DGAT1: variants seen among roughly 807,000 people sequenced by gnomAD.
DGAT1 encodes ACAT related gene product 1.
A neutral mutation model predicts 72.6 loss-of-function variants in DGAT1; 60 were observed. That is an observed-to-expected ratio of 0.83 (90% confidence interval 0.67 to 1.02). The LOEUF is 1.02. Ranked by LOEUF, DGAT1 falls within the 50% of genes least tolerant of loss-of-function variation. DGAT1 has a pLI of 0.00. For synonymous variants in DGAT1, 290 were observed against 267.5 expected (o/e 1.08, Z -0.82); for missense variants, 592 against 670.0 (o/e 0.88, Z 1.29).
chr8:144,322,640 CT>C (rs1447181412), intron 1 of DGAT1, among the ~76,000 whole-genome samples: 1 of 152,230 alleles, frequency 6.6e-6, no homozygotes, highest in Non-Finnish European at 1.5e-5. Context: ...CATGCCCCAT[CT>C]ACACCTACAC....
intron 2 of DGAT1, among the ~76,000 whole-genome samples, chr8:144,320,953 C>T (rs1339618465): frequency 6.6e-6 from 1 of 152,204 alleles, no homozygotes; most frequent in Non-Finnish European, 1.5e-5. Flanking sequence ...ACCCCCTCCA[C>T]CCTGCCCTCC....
intron 3 of DGAT1, 52 bp downstream of exon 3, chr8:144,318,976 G>C: frequency 7.0e-7 from 1 of 1,421,104 alleles, no homozygotes; most frequent in South Asian, 1.2e-5. Flanking sequence ...GTGGGGCGGG[G>C]CCTGGACAGG....
chr8:144,315,431 G>A lies in DGAT1; in HGVS notation c.*1123C>T. The A allele has an allele frequency of 2.0e-6, 2 of 985,534 alleles. No homozygotes were observed. Among genetic ancestry groups the A allele is most frequent in the Non-Finnish European group, 2.4e-6 (2 of 829,996 alleles). 61.0% of individuals were successfully genotyped at this position (985,534 alleles called of 1,614,324 possible). Reference sequence around the variant, plus strand: ...GATGAGGCCCCTGGTGCAGTCCTGGGACCCTGTGCAGGGCCTCCTCAAACA... The same window carrying A: ...GATGAGGCCCCTGGTGCAGTCCTGGAACCCTGTGCAGGGCCTCCTCAAACA... On this transcript the variant is annotated 3_prime_UTR_variant, in exon 17 of 17. Coordinates refer to ENST00000528718, the MANE Select transcript of DGAT1 (RefSeq NM_012079.6).
chr8:144,320,192 G>C (rs1554847950), intron 2 of DGAT1, among the ~76,000 whole-genome samples: 1 of 152,236 alleles, frequency 6.6e-6, no homozygotes, highest in African/African-American at 2.4e-5. Flanking sequence ...TGCCTGGGGT[G>C]GGGGCATGGG....
rs782637933 is a variant in DGAT1, at chr8:144,318,184, G to C, written c.677-15C>G. 6.2e-6 allele frequency: 10 copies of C among 1,608,832 alleles called. No homozygotes were observed. The South Asian group carries it at 8.8e-5, about 14-fold the overall frequency. On this transcript the variant is annotated splice_polypyrimidine_tract_variant and intron_variant, in intron 7 of 16. Coordinates refer to ENST00000528718, the MANE Select transcript of DGAT1 (RefSeq NM_012079.6). ...CCCTGCAGAGGCTACGAGCACAGCA[G>C]AGTGGGAGGGGGCTGGTGGGGCCCT...
In DGAT1 at chr8:144,316,691, C is replaced by T. The variant is rs367717255; in HGVS notation, c.1330G>A (p.Val444Met). The change falls in exon 17 of 17, where the codon GTG (valine) becomes ATG (methionine). Residue 444 changes from valine (V) to methionine (M), a missense_variant. Coordinates refer to ENST00000528718, the MANE Select transcript of DGAT1 (RefSeq NM_012079.6). ...TAGTTGCCCTGGAAAAAGCGGCCCA[C>T]GAACCAGGCCAGTGGGATCTAGGGA... ...MMAQIPLAWF[V>M]GRFFQGNYGN... The T allele has an allele frequency of 3.2e-5, 52 of 1,612,056 alleles. No individual in the cohort carries two copies. In the African/African-American group the frequency reaches 3.9e-4, roughly 12 times the overall value.
chr8:144,315,244 C>T lies in DGAT1; in HGVS notation c.*1310G>A. On this transcript the variant is annotated 3_prime_UTR_variant, in exon 17 of 17. Coordinates refer to ENST00000528718, the MANE Select transcript of DGAT1 (RefSeq NM_012079.6). ...CCCATGTGGGATGGAGGAGTCGGCC[C>T]CACACCCATCCCCCCACCAGGAGCT... The T allele has an allele frequency of 2.0e-6, 2 of 985,538 alleles. No homozygotes were observed. Among genetic ancestry groups the T allele is most frequent in the Non-Finnish European group, 2.4e-6 (2 of 830,022 alleles). The allele number at this position is 985,538 out of a possible 1,614,324, so 61.0% of individuals were successfully genotyped here. A position where few individuals can be genotyped will look rare whatever the true frequency, so the allele number is the denominator to read the frequency against.
At position 144,315,315 on chromosome 8, in the gene DGAT1, T is replaced by C. The variant is rs1184974906; in HGVS notation, c.*1239A>G. The C allele has an allele frequency of 2.5e-5, 25 of 985,240 alleles. No individual in the cohort carries two copies. The highest frequency in any genetic ancestry group is 3.0e-5 in the Non-Finnish European group (25 of 829,918). 61.0% of individuals were successfully genotyped at this position (985,240 alleles called of 1,614,324 possible). ...AGCAGGGCCCAAGGAGATGCCTCCA[T>C]CTCAGGGCCCACCAGCCCCCACTGG... is the stretch of plus-strand genomic sequence containing the variant. On this transcript the variant is annotated 3_prime_UTR_variant, in exon 17 of 17. Transcript: ENST00000528718.
At position 144,321,322 on chromosome 8, in the gene DGAT1, A is replaced by T. The variant is rs1817450608; in HGVS notation, c.287T>A (p.Leu96Gln). 4 of 1,613,752 alleles carry T rather than the reference A, an allele frequency of 2.5e-6. No individual in the cohort carries two copies. Among genetic ancestry groups the T allele is most frequent in the Admixed American group, 1.7e-5 (1 of 60,002 alleles). Residue 96 changes from leucine to glutamine, a missense_variant and splice_region_variant, in exon 2 of 17, where the codon CTG (leucine) becomes CAG (glutamine). Physicochemically the swap from Leu to Gln is moderately radical, Grantham distance 113. Transcript: ENST00000528718. Reference sequence around the variant, plus strand: ...CTCCCGACACCATGTCCCACTCACCAGCATCACCACACACCAGTTCAGGAT... The same window carrying T: ...CTCCCGACACCATGTCCCACTCACCTGCATCACCACACACCAGTTCAGGAT... ...RGILNWCVVM[L>Q]ILSNARLFLE...
At position 144,321,327 on chromosome 8, in the gene DGAT1, C is replaced by T. The variant is rs1554848102; in HGVS notation, c.282G>A (p.Val94=). The change falls in exon 2 of 17, where the codon GTG becomes GTA. Residue 94 remains valine, a synonymous_variant. Transcript: ENST00000528718. ...NYRGILNWCV[V]MLILSNARLF... ...GACACCATGTCCCACTCACCAGCATCACCACACACCAGTTCAGGATGCCAC... is the reference window on the plus strand; with the variant it reads ...GACACCATGTCCCACTCACCAGCATTACCACACACCAGTTCAGGATGCCAC... The T allele has an allele frequency of 1.2e-6, 2 of 1,613,950 alleles. No individual in the cohort carries two copies. Among genetic ancestry groups the T allele is most frequent in the South Asian group, 2.2e-5 (2 of 91,084 alleles).
rs1554847035 is a variant in DGAT1, at chr8:144,316,610, T to C, written c.1411A>G (p.Met471Val). The C allele has an allele frequency of 1.2e-6, 2 of 1,607,932 alleles. No individual in the cohort carries two copies. Among genetic ancestry groups the C allele is most frequent in the Non-Finnish European group, 1.7e-6 (2 of 1,177,730 alleles). Residue 471 changes from methionine to valine, a missense_variant, in exon 17 of 17, where the codon ATG becomes GTG. Met to Val is a conservative substitution (Grantham distance 21, BLOSUM62 1). Transcript: ENST00000528718. The part of the protein sequence containing the change: ...LIIGQPIAVL[M>V]YVHDYYVLNY... Reference sequence around the variant, plus strand: ...AGCACGTAGTAGTCGTGGACGTACATGAGGACGGCTATTGGCTGTCCGATG... The same window carrying C: ...AGCACGTAGTAGTCGTGGACGTACACGAGGACGGCTATTGGCTGTCCGATG...
chr8:144,316,257 C>T lies in DGAT1; in HGVS notation c.*297G>A, dbSNP rs886682014. The stretch of plus-strand genomic sequence containing the variant: ...CCCTTGTGGGTGTGGCCATACCCCC[C>T]ACCAGGCCCCAGGCCCCTGGCAGGC... On this transcript the variant is annotated 3_prime_UTR_variant, in exon 17 of 17. Transcript: ENST00000528718. The T allele has an allele frequency of 1.2e-4, 48 of 385,172 alleles. 2 individuals carry two copies. Among genetic ancestry groups the T allele is most frequent in the Non-Finnish European group, 3.8e-5 (8 of 210,946 alleles). 23.9% of individuals were successfully genotyped at this position (385,172 alleles called of 1,614,324 possible). A position where few individuals can be genotyped will look rare whatever the true frequency, so the allele number is the denominator to read the frequency against.
In DGAT1 at chr8:144,317,958, G is replaced by A; in HGVS notation, c.811C>T (p.Pro271Ser). The A allele has an allele frequency of 6.6e-7, 1 of 1,519,390 alleles. No homozygotes were observed. The highest frequency in any genetic ancestry group is 8.8e-7 in the Non-Finnish European group (1 of 1,135,914). 94.1% of individuals were successfully genotyped at this position (1,519,390 alleles called of 1,614,324 possible). Residue 271 changes from proline (P) to serine (S), a missense_variant, in exon 9 of 17, where the codon CCC becomes TCC. By Grantham distance (74) the Pro-to-Ser change is moderately conservative. Coordinates refer to ENST00000528718, the MANE Select transcript of DGAT1 (RefSeq NM_012079.6). Reference sequence around the variant, plus strand: ...AGCAGAAAGCGCTTCCGGATGCGGGGAGAGCGGGGAAAGTTGAGCTCGTAG... The same window carrying A: ...AGCAGAAAGCGCTTCCGGATGCGGGAAGAGCGGGGAAAGTTGAGCTCGTAG... Reference protein sequence around the residue: ...LCYELNFPRSPRIRKRFLLRR... With the variant: ...LCYELNFPRSSRIRKRFLLRR...
Position 144,317,789 on chromosome 8 carries a change from G to A in DGAT1, c.889C>T (p.Gln297Ter), listed in dbSNP as rs1817296954. 6.2e-7 allele frequency: 1 copy of A among 1,612,900 alleles called. No homozygotes were observed. Among genetic ancestry groups the A allele is most frequent in the South Asian group, 1.1e-5 (1 of 90,996 alleles). ...FFTQLQVGLI[Q>*]QWMVPTIQNS... ...CCCTGCCCTACCCCACTTACCTGCT[G>A]GATCAGCCCCACCTGGAGCTGGGTG... Residue 297 changes from glutamine to a stop codon, truncating the protein, a stop_gained, in exon 10 of 17, where the codon CAG becomes TAG. Coordinates refer to ENST00000528718, the MANE Select transcript of DGAT1 (RefSeq NM_012079.6). LOFTEE classifies it high-confidence loss of function.
chr8:144,322,608 C>G (rs1317987942), intron 1 of DGAT1, among the ~76,000 whole-genome samples: 11 of 152,208 alleles, frequency 7.2e-5, no homozygotes, highest in Non-Finnish European at 1.6e-4. Flanking sequence ...CTTTGCTCCC[C>G]AAGACCAAGG....
rs1554847046 is a variant in DGAT1, at chr8:144,316,635, G to C, written c.1386C>G (p.Ile462Met). 3.1e-6 allele frequency: 5 copies of C among 1,609,908 alleles called. No homozygotes were observed. Among genetic ancestry groups the C allele is most frequent in the Non-Finnish European group, 4.2e-6 (5 of 1,178,822 alleles). The change falls in exon 17 of 17, where the codon ATC (isoleucine) becomes ATG (methionine). Residue 462 changes from isoleucine (I) to methionine (M), a missense_variant. Coordinates refer to ENST00000528718, the MANE Select transcript of DGAT1 (RefSeq NM_012079.6). ...TGAGGACGGCTATTGGCTGTCCGAT[G>C]ATGAGCGACAGCCACACAGCTGCGT... ...YGNAAVWLSL[I>M]IGQPIAVLMY...
rs1817596259 is a variant in DGAT1, at chr8:144,326,520, G to C, written c.117C>G (p.Asp39Glu). The change falls in exon 1 of 17, where the codon GAC becomes GAG. Residue 39 changes from aspartate to glutamate, a missense_variant. Coordinates refer to ENST00000528718, the MANE Select transcript of DGAT1 (RefSeq NM_012079.6). ...CTGGCGCGTCCCCCGCGGCTCCCAC[G>C]TCGGGGCCCGCAGCGGCGTCCCGCA... ...EEVRDAAAGP[D>E]VGAAGDAPAP... 3 of 1,272,698 alleles carry C rather than the reference G, an allele frequency of 2.4e-6. No homozygotes were observed. The allele number at this position is 1,272,698 out of a possible 1,614,324, so 78.8% of individuals were successfully genotyped here.
rs781789020 is a variant in DGAT1 at position 144,326,420 on chromosome 8, G to A, written c.200+17C>T. 2.9e-5 allele frequency: 40 copies of A among 1,388,866 alleles called. No individual in the cohort carries two copies. Among genetic ancestry groups the A allele is most frequent in the Admixed American group, 1.6e-4 (5 of 32,108 alleles). 86.0% of individuals were successfully genotyped at this position (1,388,866 alleles called of 1,614,324 possible). On this transcript the variant is annotated intron_variant, in intron 1 of 16. Transcript: ENST00000528718. ...GGGCCCTTGGGTCAGAGGTTAGGGGGTCAGGCGCTCCGCTACCTCAGCTCC... is the reference window on the plus strand; with the variant it reads ...GGGCCCTTGGGTCAGAGGTTAGGGGATCAGGCGCTCCGCTACCTCAGCTCC...
In DGAT1 at chr8:144,324,439, C is replaced by T. The variant is rs183803170; in HGVS notation, c.200+1998G>A. Among the ~76,000 whole-genome samples, 354 of 152,272 alleles carry T rather than the reference C, an allele frequency of 2.3e-3. 3 individuals carry two copies. Among genetic ancestry groups the T allele is most frequent in the Non-Finnish European group, 4.3e-3 (290 of 68,024 alleles). ...GAGCCCAGTGTCCACAGCCAGTGGC[C>T]GAGCCCTGCTGCATCCCTAGGTCTG... On this transcript the variant is annotated intron_variant, in intron 1 of 16. Coordinates refer to ENST00000528718, the MANE Select transcript of DGAT1 (RefSeq NM_012079.6).
Sources: gnomAD v4.1 joint callset for allele counts (sites outside exome capture counted in the v4.1 genomes callset) on GRCh38, gnomAD v4.1.1 for gene constraint, MANE v1.5 for transcripts, NCBI Gene and HGNC (gene_info 2026-07-23, HGNC 2026-07-21) for gene names.